SPTBN4: variants seen among roughly 807,000 people sequenced by gnomAD.
SPTBN4 encodes the protein spectrin beta, non-erythrocytic 4, also known as spectrin beta chain, non-erythrocytic 4.
SPTBN4 carries 96 observed loss-of-function variants against 277.8 expected under a neutral mutation model. That is an observed-to-expected ratio of 0.35 (90% CI 0.29 to 0.41). SPTBN4 has a LOEUF of 0.41. SPTBN4 is among the 10% of genes least tolerant of loss of function. The pLI is 1.00. For missense variants in SPTBN4, 3,006 were observed against 3,595.7 expected (o/e 0.84, Z 4.19); for synonymous variants, 1,481 against 1,580.3 (o/e 0.94, Z 1.49).
chr19:40,544,820 C>CTTTTTTA (rs2080841725), intron 20 of SPTBN4, among the ~76,000 whole-genome samples: 1 of 151,766 alleles, frequency 6.6e-6, no homozygotes. Flanking sequence ...CCATTTTACT[C>CTTTTTTA]TTTTTTATTT....
In SPTBN4 at chr19:40,550,343, T is replaced by A; in HGVS notation, c.4674+16T>A. 6.2e-7 allele frequency: 1 copy of A among 1,603,990 alleles called. No homozygotes were observed. Among genetic ancestry groups the A allele is most frequent in the Non-Finnish European group, 8.5e-7 (1 of 1,179,622 alleles). On this transcript the variant is annotated intron_variant, in intron 22 of 35. Coordinates refer to ENST00000598249, the MANE Select transcript of SPTBN4 (RefSeq NM_020971.3). ...AAAGAACCAGGTGAGCAGAGCCAGG[T>A]GAGGGAGCGAGTTAGGACATTTGGA...
intron 17 of SPTBN4, chr19:40,524,399 C>G (rs1259475003): frequency 7.8e-6 from 2 of 258,060 alleles, no homozygotes; most frequent in African/African-American, 4.6e-5. Context: ...CCCAGCTACT[C>G]TTGAGGCTGA....
chr19:40,479,675 CATATATATATATAT>C (rs34118043), intron 2 of SPTBN4, among the ~76,000 whole-genome samples: 4 of 126,684 alleles, frequency 3.2e-5, no homozygotes, highest in South Asian at 2.6e-4. Context: ...AATGAGTAAG[CATATATATATATAT>C]ATATATATAT....
intron 4 of SPTBN4, among the ~76,000 whole-genome samples, chr19:40,492,031 A>C (rs574581885): frequency 0.011 from 1,472 of 138,196 alleles, 34 homozygotes; most frequent in African/African-American, 0.043. Flanking sequence ...TAAAAAAAAC[A>C]AAAACAAAAC....
At chr19:40,523,381 C>T in intron 16 of SPTBN4, 56 bp from the exon 17 acceptor site, 1 of 1,515,722 alleles carries the variant, frequency 6.6e-7, no homozygotes, top group Admixed American at 2.0e-5. Flanking sequence ...GGCAGCCTCT[C>T]CCAGGTCCTG....
At chr19:40,494,292 C>T (rs1034304514) in intron 5 of SPTBN4, among the ~76,000 whole-genome samples, 1 of 151,550 alleles carries the variant, frequency 6.6e-6, no homozygotes, top group African/African-American at 2.4e-5. Context: ...GTACTTATCT[C>T]TTCTCTCCTC....
chr19:40,489,355 G>A (rs1359785363), intron 3 of SPTBN4, among the ~76,000 whole-genome samples: 2 of 151,206 alleles, frequency 1.3e-5, no homozygotes, highest in African/African-American at 4.9e-5. Flanking sequence ...CTAGGGACCC[G>A]AAAGGGAAGC....
intron 30 of SPTBN4, chr19:40,567,053 G>A (rs1311340941): frequency 1.3e-5 from 6 of 450,278 alleles, no homozygotes; most frequent in South Asian, 4.7e-5. Context: ...AAGCCTAGGC[G>A]GGAGGATCAC....
chr19:40,475,849 C>A (rs1017299707), intron 2 of SPTBN4, among the ~76,000 whole-genome samples: 2 of 151,384 alleles, frequency 1.3e-5, no homozygotes, highest in Non-Finnish European at 2.9e-5. Flanking sequence ...AGTTCGAGAC[C>A]AGCCTGGCCA....
At position 40,512,754 on chromosome 19, in the gene SPTBN4, G is replaced by A. The variant is rs541135152; in HGVS notation, c.1965G>A (p.Glu655=). The A allele has an allele frequency of 7.2e-4, 1,089 of 1,513,040 alleles. No individual in the cohort carries two copies. Among genetic ancestry groups the A allele is most frequent in the Non-Finnish European group, 9.2e-4 (1,044 of 1,138,852 alleles). 93.7% of individuals were successfully genotyped at this position (1,513,040 alleles called of 1,614,324 possible). A position where few individuals can be genotyped will look rare whatever the true frequency, so the allele number is the denominator to read the frequency against. Residue 655 remains glutamate, a synonymous_variant, in exon 14 of 36, where the codon GAG becomes GAA. Coordinates refer to ENST00000598249, the MANE Select transcript of SPTBN4 (RefSeq NM_020971.3). ...SLWALLQELE[E]AESWARDKER... is the part of the protein sequence containing the mutation. The stretch of plus-strand genomic sequence containing the variant: ...GGGCGCTGCTGCAGGAGCTGGAGGA[G>A]GCCGAGAGCTGGGCGCGCGACAAGG...
Position 40,515,564 on chromosome 19 carries a change from TCAA to T in SPTBN4, c.2903+120_2903+122del. On this transcript the variant is annotated intron_variant, in intron 15 of 35. Coordinates refer to ENST00000598249, the MANE Select transcript of SPTBN4 (RefSeq NM_020971.3). This position sits in a 1 kb window ranked among gnomAD's most constrained non-coding sequence, Gnocchi z 4.1. The stretch of plus-strand genomic sequence containing the variant: ...GGAATCATAATGGCCACCCGATAAA[TCAA>T]CAAAATGTTGACCAAAAATCATAAT... 8.1e-7 allele frequency: 1 copy of T among 1,238,988 alleles called. No individual in the cohort carries two copies. The highest frequency in any genetic ancestry group is 1.1e-6 in the Non-Finnish European group (1 of 945,644). The allele number at this position is 1,238,988 out of a possible 1,614,324, so 76.7% of individuals were successfully genotyped here.
chr19:40,549,559 C>G, intron 21 of SPTBN4, 146 bp downstream of exon 21: 1 of 610,148 alleles, frequency 1.6e-6, no homozygotes, highest in Non-Finnish European at 2.7e-6. Context: ...CTCATTCATT[C>G]ATTCACACTC....
intron 20 of SPTBN4, among the ~76,000 whole-genome samples, chr19:40,541,567 G>A (rs964921849): frequency 5.3e-5 from 8 of 152,158 alleles, no homozygotes; most frequent in African/African-American, 1.7e-4. Flanking sequence ...CACCCTTAGG[G>A]CACTGGGGCC....
chr19:40,556,809 T>G (rs2145934987), intron 25 of SPTBN4, among the ~76,000 whole-genome samples: 1 of 152,254 alleles, frequency 6.6e-6, no homozygotes. Context: ...ATGCCTGTAG[T>G]CCTAGCTGTT....
intron 4 of SPTBN4, among the ~76,000 whole-genome samples, chr19:40,491,571 G>A (rs564926394): frequency 1.5e-4 from 23 of 151,734 alleles, no homozygotes; most frequent in South Asian, 8.4e-4. Context: ...GTGAAACCCC[G>A]TCTCTACTAA....
At chr19:40,552,917 T>C (rs2080934767) in intron 22 of SPTBN4, among the ~76,000 whole-genome samples, 1 of 152,186 alleles carries the variant, frequency 6.6e-6, no homozygotes, top group South Asian at 2.1e-4. Context: ...GCAAATATGA[T>C]GCATTTGGTG....
In SPTBN4 at chr19:40,513,512, G is replaced by C; in HGVS notation, c.2723G>C (p.Arg908Pro). Residue 908 changes from arginine to proline, a missense_variant, in exon 14 of 36, where the codon CGT becomes CCT. Physicochemically the swap from Arg to Pro is moderately radical, Grantham distance 103 (BLOSUM62 -2). Coordinates refer to ENST00000598249, the MANE Select transcript of SPTBN4 (RefSeq NM_020971.3). ...GEKEQWLLSMRVPDSLDDVEV... is the reference protein window; with the variant it reads ...GEKEQWLLSMPVPDSLDDVEV... ...AAGGAGCAATGGCTGCTCTCCATGC[G>C]TGTGCCGGATTCACTCGACGACGTC... 1 of 1,596,036 alleles carries C rather than the reference G, an allele frequency of 6.3e-7. No individual in the cohort carries two copies. Among genetic ancestry groups the C allele is most frequent in the Non-Finnish European group, 8.5e-7 (1 of 1,176,360 alleles).
chr19:40,532,787 G>A lies in SPTBN4; in HGVS notation c.4095+16G>A. On this transcript the variant is annotated intron_variant, in intron 19 of 35. Transcript: ENST00000598249. Reference sequence around the variant, plus strand: ...GATCGAGCGGGTGAGGAAGCTGATGGCCCCTCTGCCTGTGCCAGGTGCAGG... The same window carrying A: ...GATCGAGCGGGTGAGGAAGCTGATGACCCCTCTGCCTGTGCCAGGTGCAGG... 1.2e-6 allele frequency: 2 copies of A among 1,601,644 alleles called. No homozygotes were observed.
At chr19:40,517,122 T>C (rs2080469580) in intron 15 of SPTBN4, among the ~76,000 whole-genome samples, 1 of 152,130 alleles carries the variant, frequency 6.6e-6, no homozygotes, top group Non-Finnish European at 1.5e-5. Context: ...GTTTATCTAA[T>C]ATATCCAGTC....
Sources: allele counts gnomAD v4.1 joint callset (sites outside exome capture counted in the v4.1 genomes callset), GRCh38; gene constraint gnomAD v4.1.1; non-coding constraint Gnocchi (gnomAD v3.1); transcripts MANE v1.5; gene names NCBI Gene and HGNC (gene_info 2026-07-23, HGNC 2026-07-21).